Variants in INSC observed in about 807,000 individuals in gnomAD.
INSC encodes the protein protein inscuteable homolog.
Under a neutral mutation model 58.6 loss-of-function variants are expected in INSC, and 67 were observed. The observed-to-expected ratio is 1.14, with a 90% CI of 0.94 to 1.40. INSC has a LOEUF of 1.40. INSC is among the 40% of genes most tolerant of loss of function. The pLI is 0.00. For synonymous variants in INSC, 262 were observed against 276.1 expected (o/e 0.95, Z 0.51); for missense variants, 714 against 692.0 (o/e 1.03, Z -0.36).
rs16931286 is a variant in INSC at position 15,241,244 on chromosome 11, T to C, written c.1470+721T>C. 1.0e-3 allele frequency among the ~76,000 whole-genome samples: 157 copies of C among 152,352 alleles called. 1 individual carries two copies. Among genetic ancestry groups the C allele is most frequent in the African/African-American group, 3.5e-3 (147 of 41,580 alleles). ...ATTTAGGAGTAGGGAAGCCACTCTA[T>C]AAACACAACCCTTAACTTCCAGAAG... On this transcript the variant is annotated intron_variant, in intron 12 of 12. Coordinates refer to ENST00000379556, the MANE Select transcript of INSC (RefSeq NM_001042536.3).
intron 12 of INSC, among the ~76,000 whole-genome samples, chr11:15,242,327 C>G (rs1180359983): frequency 6.6e-6 from 1 of 152,194 alleles, no homozygotes; most frequent in African/African-American, 2.4e-5. Flanking sequence ...TCTTTAATCA[C>G]TTGAAGGACT....
chr11:15,225,591 A>G, intron 8 of INSC, 59 bp from the exon 9 acceptor site: 1 of 1,516,994 alleles, frequency 6.6e-7, no homozygotes, highest in South Asian at 1.2e-5. Flanking sequence ...GAACCAAATG[A>G]GACAAGTGAT....
chr11:15,162,523 A>C (rs1405810714), intron 2 of INSC, among the ~76,000 whole-genome samples: 2 of 152,186 alleles, frequency 1.3e-5, no homozygotes. Context: ...TTCTACCACT[A>C]CTTGTTAATA....
intron 2 of INSC, among the ~76,000 whole-genome samples, chr11:15,151,674 C>T (rs780694917): frequency 1.2e-4 from 18 of 152,202 alleles, no homozygotes; most frequent in African/African-American, 3.6e-4. Context: ...GTCAGCATGT[C>T]GGGCCCAGGC....
Position 15,122,104 on chromosome 11 carries a change from T to C in INSC, c.-46+7101T>C, listed in dbSNP as rs117811468. Among the ~76,000 whole-genome samples, 35 of 152,360 alleles carry C rather than the reference T, an allele frequency of 2.3e-4. No individual in the cohort carries two copies. The East Asian group carries it at 4.6e-3, about 20-fold the overall frequency. ...TTGGTGTGTCATCGTTTATATGCTC[T>C]CTTAGCAAACAGAGTTAGGACATAT... On this transcript the variant is annotated intron_variant, in intron 1 of 12. Transcript: ENST00000379556.
chr11:15,204,246 C>T (rs1366662147), intron 7 of INSC, among the ~76,000 whole-genome samples: 1 of 152,210 alleles, frequency 6.6e-6, no homozygotes, highest in Non-Finnish European at 1.5e-5. Flanking sequence ...AAGGGAGACT[C>T]AGAGACGCGA....
At chr11:15,226,179 C>T (rs1851631555) in intron 9 of INSC, among the ~76,000 whole-genome samples, 1 of 152,052 alleles carries the variant, frequency 6.6e-6, no homozygotes, top group Non-Finnish European at 1.5e-5. Context: ...ATTGCCTATT[C>T]TGGGAGGCGG....
rs1446009224 is a variant in INSC at position 15,177,116 on chromosome 11, GA to G, written c.410del (p.Lys137SerfsTer3). On this transcript the variant is annotated frameshift_variant, in exon 4 of 13. Coordinates refer to ENST00000379556, the MANE Select transcript of INSC (RefSeq NM_001042536.3). LOFTEE classifies it high-confidence loss of function. ...NSLKEMGEIE[K>X]LLMEKCSELS... ...ATGGACTTATTTTTCTACAGATTGA[GA>G]AGCTGCTAATGGAGAAATGCTCGGA... is the stretch of plus-strand genomic sequence containing the variant. 1.1e-5 allele frequency: 18 copies of G among 1,613,892 alleles called. No individual in the cohort carries two copies. The highest frequency in any genetic ancestry group is 1.5e-5 in the Non-Finnish European group (18 of 1,179,830).
At chr11:15,113,147 GTCTC>G (rs911761633), upstream of INSC, among the ~76,000 whole-genome samples, 40 of 113,832 alleles carry the variant, frequency 3.5e-4, 3 homozygotes, top group South Asian at 0.01. Context: ...CTTTCTTTCT[GTCTC>G]TCTCTCTCTC....
chr11:15,210,505 TTGTGTGTGTGTGTGTG>T lies in INSC; in HGVS notation c.819+9583_819+9598del, dbSNP rs56375160. On this transcript the variant is annotated intron_variant, in intron 7 of 12. Transcript: ENST00000379556. ...TAGATGGAGCTCTGCATTTGAGAGT[TTGTGTGTGTGTGTGTG>T]TGTGTGTGTGTGTGTGTGTGTGTGT... Among the ~76,000 whole-genome samples the T allele has an allele frequency of 4.4e-5, 6 of 135,564 alleles. No homozygotes were observed. The East Asian group carries it at 6.6e-4, about 15-fold the overall frequency. The allele number at this position is 135,564 out of a possible 152,430, so 88.9% of individuals were successfully genotyped here.
intron 2 of INSC, among the ~76,000 whole-genome samples, chr11:15,164,044 T>G (rs1482277797): frequency 6.6e-6 from 1 of 152,226 alleles, no homozygotes; most frequent in African/African-American, 2.4e-5. Flanking sequence ...GTTGGGACAT[T>G]TCCTTTCTGA....
chr11:15,240,657 G>C (rs1300754924), intron 12 of INSC, 134 bp downstream of exon 12: 1 of 683,852 alleles, frequency 1.5e-6, no homozygotes, highest in Non-Finnish European at 2.6e-6. Flanking sequence ...TTCTCTTTAG[G>C]ATTGTGAACA....
At chr11:15,269,654 A>T in the INSC span, among the ~76,000 whole-genome samples, 1 of 151,958 alleles carries the variant, frequency 6.6e-6, no homozygotes, top group African/African-American at 2.4e-5. Context: ...TTTGAATAGC[A>T]TCCTACATGA....
intron 1 of INSC, among the ~76,000 whole-genome samples, chr11:15,144,541 C>T (rs762684738): frequency 2.0e-5 from 3 of 152,202 alleles, no homozygotes; most frequent in Non-Finnish European, 4.4e-5. Flanking sequence ...CTCCCTGTTC[C>T]TAGAGCTGCC....
At chr11:15,132,533 T>C (rs1714366) in intron 1 of INSC, among the ~76,000 whole-genome samples, 1,620 of 152,282 alleles carry the variant, frequency 0.011, 32 homozygotes, top group African/African-American at 0.037. Context: ...GTGATCCTCC[T>C]GCCTCAGCTT....
At chr11:15,264,623 G>C in the INSC span, among the ~76,000 whole-genome samples, 1 of 149,520 alleles carries the variant, frequency 6.7e-6, no homozygotes, top group Admixed American at 6.7e-5. Context: ...CCCTTTTGCT[G>C]TATCTCTATT....
At chr11:15,240,770 T>C (rs1205293565) in intron 12 of INSC, among the ~76,000 whole-genome samples, 1 of 152,226 alleles carries the variant, frequency 6.6e-6, no homozygotes, top group Non-Finnish European at 1.5e-5. Flanking sequence ...CCCTCTGTTC[T>C]ACCACTACAA....
intron 9 of INSC, among the ~76,000 whole-genome samples, chr11:15,227,738 C>G (rs1851696935): frequency 6.6e-6 from 1 of 152,184 alleles, no homozygotes. Flanking sequence ...GAGAGGGAGA[C>G]AGGAGGGCCC....
intron 7 of INSC, among the ~76,000 whole-genome samples, chr11:15,203,681 T>C (rs1163738667): frequency 1.3e-5 from 2 of 152,240 alleles, no homozygotes; most frequent in Non-Finnish European, 2.9e-5. Context: ...TTTTAGGTGC[T>C]GGGAGTATAA....
Sources: gnomAD v4.1 joint callset for allele counts (sites outside exome capture counted in the v4.1 genomes callset) on GRCh38, gnomAD v4.1.1 for gene constraint, MANE v1.5 for transcripts, NCBI Gene and HGNC (gene_info 2026-07-23, HGNC 2026-07-21) for gene names.